Variants in JHY observed in about 807,000 individuals in gnomAD.
The protein encoded by JHY is junctional cadherin complex regulator, also known as jhy protein homolog.
In JHY, 69 loss-of-function variants were observed where a neutral mutation model predicts 78.0. That is an observed-to-expected ratio of 0.88 (90% confidence interval 0.73 to 1.08). The LOEUF (loss-of-function observed/expected upper bound fraction) is 1.08. Ranked by LOEUF, JHY falls within the 50% of genes least tolerant of loss-of-function variation. The probability of loss-of-function intolerance (pLI) is 0.00; values close to 1 mark genes in which losing one functional copy is unlikely to be tolerated. For synonymous variants in JHY, 368 were observed against 342.6 expected, an observed-to-expected ratio of 1.07 and a Z score of -0.82; for missense variants, 944 against 927.8, an observed-to-expected ratio of 1.02 and a Z score of -0.23.
intron 6 of JHY, among the ~76,000 whole-genome samples, chr11:122,950,482 G>A (rs1864064442): frequency 1.3e-5 from 2 of 152,012 alleles, no homozygotes; most frequent in Admixed American, 6.6e-5. Context: ...ATTCTCACTC[G>A]GCAAGATTTA....
Position 122,904,218 on chromosome 11 carries a change from T to G in JHY, c.638T>G (p.Leu213Arg). 2 of 1,614,216 alleles carry G rather than the reference T, an allele frequency of 1.2e-6. No individual in the cohort carries two copies. The highest frequency in any genetic ancestry group is 1.7e-6 in the Non-Finnish European group (2 of 1,180,042). ...GARRSKPFSE[L>R]SDSDLEEKSS... ...CGTCGCAGCAAGCCGTTTTCAGAGC[T>G]GAGCGACAGTGACCTGGAGGAGAAG... The change falls in exon 3 of 9, where the codon CTG becomes CGG. Residue 213 changes from leucine to arginine, a missense_variant. By Grantham distance (102) the Leu-to-Arg change is moderately radical (BLOSUM62 -2). Transcript: ENST00000227349.
In JHY at chr11:122,904,103, G is replaced by C. The variant is rs971043605; in HGVS notation, c.523G>C (p.Gly175Arg). 11 of 1,614,000 alleles carry C rather than the reference G, an allele frequency of 6.8e-6. No homozygotes were observed. Among genetic ancestry groups the C allele is most frequent in the Non-Finnish European group, 7.6e-6 (9 of 1,180,028 alleles). Reference protein sequence around the residue: ...PSQETSMELSGGKGEQKESPQ... With the variant: ...PSQETSMELSRGKGEQKESPQ... ...CCAGGAGACGTCAATGGAACTCTCC[G>C]GGGGAAAAGGCGAGCAGAAAGAGAG... The change falls in exon 3 of 9, where the codon GGG becomes CGG. Residue 175 changes from glycine (G) to arginine (R), a missense_variant. Physicochemically the swap from Gly to Arg is moderately radical, Grantham distance 125. Transcript: ENST00000227349.
At position 122,934,591 on chromosome 11, in the gene JHY, G is replaced by A. The variant is rs1254410081; in HGVS notation, c.1150G>A (p.Val384Met). The A allele has an allele frequency of 6.2e-7, 1 of 1,613,958 alleles. No individual in the cohort carries two copies. The highest frequency in any genetic ancestry group is 1.3e-5 in the African/African-American group (1 of 74,914). The change falls in exon 5 of 9, where the codon GTG becomes ATG. Residue 384 changes from valine to methionine, a missense_variant. Val to Met is a conservative substitution (Grantham distance 21). Coordinates refer to ENST00000227349, the MANE Select transcript of JHY (RefSeq NM_024806.4). ...NGLKSSTTEE[V>M]TASQGNQNNP... ...CCTGAAGTCTTCCACAACGGAAGAGGTGACTGCCAGTCAGGGGAACCAGAA... is the reference window on the plus strand; with the variant it reads ...CCTGAAGTCTTCCACAACGGAAGAGATGACTGCCAGTCAGGGGAACCAGAA...
At chr11:122,896,342 C>CAAAAA (rs11370911) in intron 2 of JHY, among the ~76,000 whole-genome samples, 1 of 73,386 alleles carries the variant, frequency 1.4e-5, no homozygotes, top group Non-Finnish European at 2.5e-5. Context: ...GACTCTGTCT[C>CAAAAA]AAAAAAAAAA....
At chr11:122,927,706 GTTTCTT>G (rs1354338044) in intron 4 of JHY, among the ~76,000 whole-genome samples, 1 of 150,914 alleles carries the variant, frequency 6.6e-6, no homozygotes, top group East Asian at 1.9e-4. Flanking sequence ...TGCTGCCTGT[GTTTCTT>G]TTTCTTTTCT....
chr11:122,946,490 TCATTAAGGAAATTCCA>T lies in JHY; in HGVS notation c.1635-7_1643del. 1 of 1,556,306 alleles carries T rather than the reference TCATTAAGGAAATTCCA, an allele frequency of 6.4e-7. No homozygotes were observed. Among genetic ancestry groups the T allele is most frequent in the Non-Finnish European group, 8.6e-7 (1 of 1,156,166 alleles). On this transcript the variant is annotated splice_acceptor_variant and splice_polypyrimidine_tract_variant and coding_sequence_variant and intron_variant, in exon 6 of 9. Transcript: ENST00000227349. LOFTEE classifies it high-confidence loss of function. ...TAATAGATTTGTGCCTTTTTTTTTT[TCATTAAGGAAATTCCA>T]TTCTTCTTCTGACAGCCAGACGGTT...
intron 6 of JHY, among the ~76,000 whole-genome samples, chr11:122,955,849 A>T (rs151200733): frequency 2.6e-5 from 4 of 152,290 alleles, no homozygotes; most frequent in East Asian, 1.9e-4. Flanking sequence ...TAATGCTGTG[A>T]CATCATTGGA....
At chr11:122,945,088 A>G (rs929997249) in intron 5 of JHY, among the ~76,000 whole-genome samples, 3 of 151,940 alleles carry the variant, frequency 2.0e-5, no homozygotes, top group Non-Finnish European at 4.4e-5. Context: ...AATTTACTCT[A>G]TTTTCTCCTA....
intron 2 of JHY, among the ~76,000 whole-genome samples, chr11:122,894,511 G>A (rs979841353): frequency 2.0e-5 from 3 of 152,160 alleles, no homozygotes; most frequent in African/African-American, 4.8e-5. Context: ...GTAAGCTGTC[G>A]CTGAATGAGA....
In JHY at chr11:122,935,169, A is replaced by G; in HGVS notation, c.1634+94A>G. On this transcript the variant is annotated intron_variant, in intron 5 of 8. Coordinates refer to ENST00000227349, the MANE Select transcript of JHY (RefSeq NM_024806.4). The surrounding 1 kb of genome is among the most constrained non-coding windows in gnomAD (Gnocchi z 4.5). ...AGGAAGAAGGGGAAGGGGAATCCAT[A>G]AGGTGGCTAGGTGAGAAGAAGAGTT... 6 of 1,192,240 alleles carry G rather than the reference A, an allele frequency of 5.0e-6. No individual in the cohort carries two copies. Among genetic ancestry groups the G allele is most frequent in the Non-Finnish European group, 7.0e-6 (6 of 863,092 alleles). 73.9% of individuals were successfully genotyped at this position (1,192,240 alleles called of 1,614,324 possible). A position where few individuals can be genotyped will look rare whatever the true frequency, so the allele number is the denominator to read the frequency against.
intron 3 of JHY, among the ~76,000 whole-genome samples, chr11:122,911,476 A>G (rs1461690084): frequency 6.6e-6 from 1 of 152,226 alleles, no homozygotes; most frequent in Non-Finnish European, 1.5e-5. Flanking sequence ...CTGGGATATT[A>G]ACAGAAAACA....
intron 5 of JHY, among the ~76,000 whole-genome samples, chr11:122,942,914 G>T (rs937887287): frequency 6.6e-6 from 1 of 151,342 alleles, no homozygotes; most frequent in Non-Finnish European, 1.5e-5. Flanking sequence ...TCACCATGTT[G>T]CCCAGGCTGG....
At chr11:122,884,159 C>T (rs1167824849) in intron 1 of JHY, among the ~76,000 whole-genome samples, 1 of 152,074 alleles carries the variant, frequency 6.6e-6, no homozygotes, top group Non-Finnish European at 1.5e-5. Context: ...GTTAGTCTAC[C>T]AACAGGGCAG....
At chr11:122,949,425 A>G (rs1864038021) in intron 6 of JHY, among the ~76,000 whole-genome samples, 2 of 152,206 alleles carry the variant, frequency 1.3e-5, no homozygotes, top group African/African-American at 4.8e-5. Context: ...TATGAAGTCC[A>G]TGGATCCTCA....
chr11:122,957,620 C>A, intron 8 of JHY, 129 bp downstream of exon 8: 7 of 971,212 alleles, frequency 7.2e-6, no homozygotes, highest in Non-Finnish European at 9.8e-6. Context: ...GTCATAAACT[C>A]CTGGGCTCAA....
At chr11:122,894,317 C>CA (rs558967732) in intron 2 of JHY, among the ~76,000 whole-genome samples, 26 of 149,058 alleles carry the variant, frequency 1.7e-4, no homozygotes, top group South Asian at 1.1e-3. Flanking sequence ...AAAAACAAAA[C>CA]AAAAAAAAAG....
intron 3 of JHY, among the ~76,000 whole-genome samples, chr11:122,908,842 G>A (rs548872898): frequency 6.6e-6 from 1 of 152,210 alleles, no homozygotes; most frequent in African/African-American, 2.4e-5. Flanking sequence ...GGGATTACAG[G>A]CACCCGCCAC....
chr11:122,925,179 C>T (rs894007016), intron 4 of JHY, among the ~76,000 whole-genome samples, 169 bp downstream of exon 4: 2 of 152,186 alleles, frequency 1.3e-5, no homozygotes, highest in South Asian at 2.1e-4. Context: ...ATTGCCTGCT[C>T]AGCCAGCCAA....
chr11:122,905,412 A>G, intron 3 of JHY: 1 of 1,432,984 alleles, frequency 7.0e-7, no homozygotes, highest in South Asian at 1.6e-5. Flanking sequence ...AGAGGTTATT[A>G]TGTTAAATGT....
Sources: allele counts gnomAD v4.1 joint callset (sites outside exome capture counted in the v4.1 genomes callset), GRCh38; gene constraint gnomAD v4.1.1; non-coding constraint Gnocchi (gnomAD v3.1); transcripts MANE v1.5; gene names NCBI Gene and HGNC (gene_info 2026-07-23, HGNC 2026-07-21).